The following IFT52 variants were observed in gnomAD, a reference collection of about 807,000 sequenced individuals.
IFT52 encodes intraflagellar transport 52, also known as intraflagellar transport protein 52 homolog.
In IFT52, 44 loss-of-function variants were observed where a neutral mutation model predicts 54.4. The ratio of observed to expected loss-of-function variants is 0.81; its 90% CI spans 0.63 to 1.04. The LOEUF is 1.04. Ranked by LOEUF, IFT52 falls within the 50% of genes least tolerant of loss-of-function variation. The probability of loss-of-function intolerance (pLI) is 0.00; values close to 1 mark genes in which losing one functional copy is unlikely to be tolerated. For synonymous variants in IFT52, 181 were observed against 185.3 expected (o/e 0.98, Z 0.19); for missense variants, 452 against 523.6 (o/e 0.86, Z 1.33).
At chr20:43,610,137 C>T (rs930472701) in intron 6 of IFT52, among the ~76,000 whole-genome samples, 4 of 146,896 alleles carry the variant, frequency 2.7e-5, no homozygotes, top group African/African-American at 1.0e-4. Context: ...CTAAAAAATA[C>T]AAAACTTAGC....
intron 7 of IFT52, 120 bp downstream of exon 7, chr20:43,614,096 C>A: frequency 1.2e-6 from 1 of 864,072 alleles, no homozygotes; most frequent in Non-Finnish European, 1.8e-6. Flanking sequence ...GCCAGTCCTG[C>A]AAAGTAGCAT....
intron 6 of IFT52, among the ~76,000 whole-genome samples, chr20:43,609,951 A>G (rs1568738775): frequency 1.3e-5 from 2 of 150,794 alleles, no homozygotes; most frequent in Non-Finnish European, 2.9e-5. Flanking sequence ...TCCGTCTTGA[A>G]AAAATAAAAT....
chr20:43,594,813 C>G lies in IFT52; in HGVS notation c.115C>G (p.Gln39Glu). Residue 39 changes from glutamine (Q) to glutamate (E), a missense_variant, in exon 2 of 14, where the codon CAG becomes GAG. Gln to Glu is a conservative substitution (Grantham distance 29). Transcript: ENST00000373030. ...AAAACTTCGGAGTAATTGGAAGATT[C>G]AGAGGTGACTGACCATGTATATTGT... ...QKKLRSNWKI[Q>E]SLKDEITSEK... The G allele has an allele frequency of 9.5e-6, 14 of 1,474,932 alleles. No homozygotes were observed. Among genetic ancestry groups the G allele is most frequent in the Non-Finnish European group, 1.3e-5 (14 of 1,053,210 alleles). The allele number at this position is 1,474,932 out of a possible 1,614,324, so 91.4% of individuals were successfully genotyped here. A position where few individuals can be genotyped will look rare whatever the true frequency, so the allele number is the denominator to read the frequency against.
chr20:43,616,856 C>T (rs1440268615), intron 7 of IFT52, among the ~76,000 whole-genome samples: 4 of 151,780 alleles, frequency 2.6e-5, no homozygotes, highest in East Asian at 1.9e-4. Flanking sequence ...CCTGTCTCTA[C>T]GAAAAAGTTA....
chr20:43,592,667 A>G (rs1030497178), intron 1 of IFT52, among the ~76,000 whole-genome samples: 7 of 152,176 alleles, frequency 4.6e-5, no homozygotes, highest in Admixed American at 2.0e-4. Context: ...TAAGTGTTTC[A>G]TGTCATCCAG....
At chr20:43,615,289 C>T (rs751248468) in intron 7 of IFT52, among the ~76,000 whole-genome samples, 1 of 152,028 alleles carries the variant, frequency 6.6e-6, no homozygotes, top group Non-Finnish European at 1.5e-5. Flanking sequence ...CAATCCCCCC[C>T]ACCTCAGCCT....
intron 1 of IFT52, among the ~76,000 whole-genome samples, chr20:43,592,020 G>C (rs528484616): frequency 6.6e-6 from 1 of 152,358 alleles, no homozygotes; most frequent in South Asian, 2.1e-4. Context: ...CAGCATTGAA[G>C]AGATGAATTG....
intron 10 of IFT52, among the ~76,000 whole-genome samples, chr20:43,626,168 A>G (rs918814217): frequency 1.3e-5 from 2 of 151,876 alleles, no homozygotes; most frequent in African/African-American, 4.8e-5. Context: ...GCAGTTTTAT[A>G]TTTTAACCTG....
intron 4 of IFT52, 85 bp from the exon 5 acceptor site, chr20:43,604,097 GC>G: frequency 8.9e-7 from 1 of 1,129,690 alleles, no homozygotes; most frequent in Non-Finnish European, 1.3e-6. Flanking sequence ...GTTCCAGGGT[GC>G]CCTTCAGGTC....
At chr20:43,620,076 C>G (rs1984170188) in intron 8 of IFT52, among the ~76,000 whole-genome samples, 1 of 151,804 alleles carries the variant, frequency 6.6e-6, no homozygotes, top group Admixed American at 6.6e-5. Flanking sequence ...GCCACCACAC[C>G]AGGCTAATTT....
intron 8 of IFT52, among the ~76,000 whole-genome samples, chr20:43,620,385 T>C (rs1278743361): frequency 6.6e-6 from 1 of 152,160 alleles, no homozygotes; most frequent in Non-Finnish European, 1.5e-5. Context: ...ATGCTGGTCA[T>C]GGCAGCTCAT....
Position 43,596,421 on chromosome 20 carries a change from A to G in IFT52, c.120-14A>G. 2.0e-6 allele frequency: 3 copies of G among 1,520,476 alleles called. No homozygotes were observed. The East Asian group carries it at 6.8e-5, about 34-fold the overall frequency. 94.2% of individuals were successfully genotyped at this position (1,520,476 alleles called of 1,614,324 possible). On this transcript the variant is annotated splice_polypyrimidine_tract_variant and intron_variant, in intron 2 of 13. Coordinates refer to ENST00000373030, the MANE Select transcript of IFT52 (RefSeq NM_016004.5). ...TTATGGACTTCATATTTGCTTTTAA[A>G]ATTGTATTTCCAGCTTAAAAGATGA...
chr20:43,647,011 C>T lies in IFT52; in HGVS notation c.*28C>T, dbSNP rs1479679887. 1.9e-6 allele frequency: 3 copies of T among 1,587,862 alleles called. No homozygotes were observed. The African/African-American group carries it at 4.0e-5, about 21-fold the overall frequency. ...ACCATGCCTCTTGAAGCTTTTTCTG[C>T]CTCCTGATTCTCTCTTTGTAAACTA... is the stretch of plus-strand genomic sequence containing the variant. On this transcript the variant is annotated 3_prime_UTR_variant, in exon 14 of 14. Coordinates refer to ENST00000373030, the MANE Select transcript of IFT52 (RefSeq NM_016004.5).
intron 12 of IFT52, among the ~76,000 whole-genome samples, chr20:43,640,913 C>T (rs1010211318): frequency 5.9e-5 from 9 of 151,696 alleles, no homozygotes; most frequent in African/African-American, 1.7e-4. Context: ...CACCTGTAGT[C>T]CAAGCTACTT....
rs575902880 is a variant in IFT52, at chr20:43,610,725, C to T, written c.486-3125C>T. Among the ~76,000 whole-genome samples the T allele has an allele frequency of 1.5e-4, 23 of 150,048 alleles. No homozygotes were observed. In the East Asian group the frequency reaches 3.1e-3, roughly 20 times the overall value. ...CCGCAATCTAGCCTGGGCGACAGAG[C>T]GAGACTCCGTCTCAAAAAAAAAAGA... On this transcript the variant is annotated intron_variant, in intron 6 of 13. Transcript: ENST00000373030.
At chr20:43,633,612 G>A (rs560538136) in intron 10 of IFT52, among the ~76,000 whole-genome samples, 1 of 152,094 alleles carries the variant, frequency 6.6e-6, no homozygotes, top group South Asian at 2.1e-4. Flanking sequence ...GGAGGTTGAG[G>A]CAGGAGCATC....
chr20:43,639,855 C>CA (rs1412836533), intron 12 of IFT52, among the ~76,000 whole-genome samples: 1 of 151,684 alleles, frequency 6.6e-6, no homozygotes, highest in Non-Finnish European at 1.5e-5. Context: ...TAAATAGAAA[C>CA]AAAATAGAAT....
Position 43,616,392 on chromosome 20 carries a change from C to A in IFT52, c.612+2416C>A, listed in dbSNP as rs561723180. Among the ~76,000 whole-genome samples the A allele has an allele frequency of 2.0e-5, 3 of 151,592 alleles. No homozygotes were observed. In the East Asian group the frequency reaches 5.8e-4, roughly 30 times the overall value. Reference sequence around the variant, plus strand: ...AGCATGATGGTGAGTGCCTGTAATCCCAGCTACTCCAGAGACTGAGGCAAG... The same window carrying A: ...AGCATGATGGTGAGTGCCTGTAATCACAGCTACTCCAGAGACTGAGGCAAG... On this transcript the variant is annotated intron_variant, in intron 7 of 13. Transcript: ENST00000373030.
intron 1 of IFT52, among the ~76,000 whole-genome samples, chr20:43,594,435 G>A (rs1015456700): frequency 2.6e-5 from 4 of 152,210 alleles, no homozygotes; most frequent in African/African-American, 9.6e-5. Flanking sequence ...AGCCATAGGT[G>A]TAGGCTGTTG....
Sources: allele counts gnomAD v4.1 joint callset (sites outside exome capture counted in the v4.1 genomes callset), GRCh38; gene constraint gnomAD v4.1.1; transcripts MANE v1.5; gene names NCBI Gene and HGNC (gene_info 2026-07-23, HGNC 2026-07-21).